Variants in NCKAP5 observed in about 807,000 individuals in gnomAD.
NCKAP5 encodes NCK associated protein 5, also known as nck-associated protein 5.
In NCKAP5, 92 loss-of-function variants were observed where a neutral mutation model predicts 167.0. The ratio of observed to expected loss-of-function variants is 0.55; its 90% confidence interval spans 0.47 to 0.66. The LOEUF is 0.66. Among genes scored for constraint, NCKAP5 ranks in the 30% least tolerant of loss-of-function variants. The pLI is 0.00. For synonymous variants in NCKAP5, 891 were observed against 877.4 expected, an observed-to-expected ratio of 1.02 and a Z score of -0.27; for missense variants, 2,378 against 2,315.0, an observed-to-expected ratio of 1.03 and a Z score of -0.56.
rs1016824024 is a variant in NCKAP5, at chr2:133,545,758, G to A, written c.-62+13292C>T. 5.3e-5 allele frequency among the ~76,000 whole-genome samples: 8 copies of A among 152,158 alleles called. No homozygotes were observed. The East Asian group carries it at 1.5e-3, about 29-fold the overall frequency. On this transcript the variant is annotated intron_variant, in intron 2 of 19. Coordinates refer to ENST00000409261, the MANE Select transcript of NCKAP5 (RefSeq NM_207363.3). Reference sequence around the variant, plus strand: ...ACCTTACAAGAAGATAGCATAGAAGGGAGGAGGGGAGAGGCAGGATTCGAC... The same window carrying A: ...ACCTTACAAGAAGATAGCATAGAAGAGAGGAGGGGAGAGGCAGGATTCGAC...
intron 19 of NCKAP5, among the ~76,000 whole-genome samples, chr2:132,677,306 C>T (rs1684617134): frequency 6.6e-6 from 1 of 152,040 alleles, no homozygotes; most frequent in Non-Finnish European, 1.5e-5. Flanking sequence ...TTTGCATGTT[C>T]TTAAAATATT....
chr2:132,976,428 G>T (rs1274247725), intron 7 of NCKAP5, among the ~76,000 whole-genome samples: 2 of 152,012 alleles, frequency 1.3e-5, no homozygotes, highest in Non-Finnish European at 2.9e-5. Flanking sequence ...GCCGGGCATG[G>T]TGGCACACAC....
chr2:133,009,103 A>G (rs1346666063), intron 6 of NCKAP5, among the ~76,000 whole-genome samples: 1 of 152,206 alleles, frequency 6.6e-6, no homozygotes, highest in Admixed American at 6.5e-5. Flanking sequence ...CTAAAAGTCT[A>G]GATTCCTAGG....
intron 19 of NCKAP5, among the ~76,000 whole-genome samples, chr2:132,684,390 C>T (rs987831831): frequency 1.3e-5 from 2 of 152,210 alleles, no homozygotes; most frequent in Admixed American, 6.5e-5. Context: ...ACCCTTCTGT[C>T]AGGCAAGAAA....
At chr2:133,389,292 T>C (rs1435523308) in intron 3 of NCKAP5, among the ~76,000 whole-genome samples, 1 of 152,178 alleles carries the variant, frequency 6.6e-6, no homozygotes, top group East Asian at 1.9e-4. Context: ...GATGTATATA[T>C]CCTCAGATGC....
chr2:133,351,950 C>T (rs550346483), intron 3 of NCKAP5, among the ~76,000 whole-genome samples: 108 of 152,298 alleles, frequency 7.1e-4, no homozygotes, highest in Non-Finnish European at 1.2e-3. Context: ...CAAAATGATG[C>T]TGTTAAAATG....
chr2:132,899,657 T>C (rs1286946672), intron 8 of NCKAP5, among the ~76,000 whole-genome samples: 1 of 152,198 alleles, frequency 6.6e-6, no homozygotes, highest in Non-Finnish European at 1.5e-5. Flanking sequence ...GGCAGATCAC[T>C]GGAGGTCATG....
chr2:132,971,883 G>A (rs1341627691), intron 7 of NCKAP5, among the ~76,000 whole-genome samples: 2 of 152,156 alleles, frequency 1.3e-5, no homozygotes, highest in African/African-American at 4.8e-5. Flanking sequence ...ACCTGGGAGT[G>A]GGGACAGGAA....
intron 19 of NCKAP5, among the ~76,000 whole-genome samples, chr2:132,691,046 GT>G (rs2105134471): frequency 6.6e-6 from 1 of 152,254 alleles, no homozygotes; most frequent in Non-Finnish European, 1.5e-5. Flanking sequence ...TGGATAAGCC[GT>G]TTACTGTATT....
intron 5 of NCKAP5, among the ~76,000 whole-genome samples, chr2:133,208,362 A>C (rs1366315853): frequency 6.6e-6 from 1 of 152,190 alleles, no homozygotes; most frequent in Non-Finnish European, 1.5e-5. Flanking sequence ...GTGACAAGTC[A>C]TGTTGATAAT....
intron 6 of NCKAP5, among the ~76,000 whole-genome samples, chr2:133,042,110 T>G (rs1473568026): frequency 6.6e-6 from 1 of 152,186 alleles, no homozygotes; most frequent in Non-Finnish European, 1.5e-5. Flanking sequence ...ATGCATGGAT[T>G]TGACTGAGTT....
chr2:132,821,136 A>C (rs1330940408), intron 11 of NCKAP5, among the ~76,000 whole-genome samples: 1 of 152,186 alleles, frequency 6.6e-6, no homozygotes, highest in East Asian at 1.9e-4. Context: ...GAAAAACCAA[A>C]AGAATTCACA....
chr2:133,500,577 C>T (rs1433717217), intron 3 of NCKAP5, among the ~76,000 whole-genome samples: 1 of 152,128 alleles, frequency 6.6e-6, no homozygotes, highest in Non-Finnish European at 1.5e-5. Context: ...CAAAACAGCA[C>T]CCCTAAATTG....
Position 133,386,002 on chromosome 2 carries a change from T to C in NCKAP5, c.70-82892A>G, listed in dbSNP as rs184034788. On this transcript the variant is annotated intron_variant, in intron 3 of 19. Transcript: ENST00000409261. The stretch of plus-strand genomic sequence containing the variant: ...TTGATCTTTTCAAAAAACCAGCTCC[T>C]GGATTCATTGATTTTTTTGAAGGGT... Among the ~76,000 whole-genome samples, 261 of 152,204 alleles carry C rather than the reference T, an allele frequency of 1.7e-3. 3 individuals carry two copies. Among genetic ancestry groups the C allele is most frequent in the Admixed American group, 0.016 (242 of 15,294 alleles).
intron 11 of NCKAP5, among the ~76,000 whole-genome samples, chr2:132,831,939 T>A (rs1687550073): frequency 6.6e-6 from 1 of 152,120 alleles, no homozygotes. Flanking sequence ...TATTGTTTCA[T>A]CTATTGATTT....
intron 3 of NCKAP5, among the ~76,000 whole-genome samples, chr2:133,387,260 G>T (rs1006516208): frequency 6.6e-6 from 1 of 152,134 alleles, no homozygotes; most frequent in African/African-American, 2.4e-5. Context: ...AAATCTCTCA[G>T]CAGTTGCTTG....
chr2:132,695,760 C>T (rs1488075855), intron 19 of NCKAP5, among the ~76,000 whole-genome samples: 1 of 152,162 alleles, frequency 6.6e-6, no homozygotes, highest in Admixed American at 6.5e-5. Context: ...GCTCAGCCAC[C>T]ATCACCCATA....
intron 4 of NCKAP5, among the ~76,000 whole-genome samples, chr2:133,229,270 T>C (rs2087032984): frequency 6.6e-6 from 1 of 152,228 alleles, no homozygotes; most frequent in South Asian, 2.1e-4. Context: ...TAAGTATTCA[T>C]AATTATCATC....
At chr2:133,429,353 A>G (rs1334548269) in intron 3 of NCKAP5, among the ~76,000 whole-genome samples, 1 of 151,998 alleles carries the variant, frequency 6.6e-6, no homozygotes, top group Non-Finnish European at 1.5e-5. Context: ...GTTTGTCACA[A>G]GGGTATATTG....
Sources: allele counts gnomAD v4.1 joint callset (sites outside exome capture counted in the v4.1 genomes callset), GRCh38; gene constraint gnomAD v4.1.1; transcripts MANE v1.5; gene names NCBI Gene and HGNC (gene_info 2026-07-23, HGNC 2026-07-21).